The following POLA1 variants were observed in gnomAD, a reference collection of about 807,000 sequenced individuals.
POLA1 encodes DNA polymerase alpha 1, catalytic subunit, also known as DNA polymerase alpha catalytic subunit.
POLA1 carries 15 observed loss-of-function variants against 124.0 expected under a neutral mutation model. The observed-to-expected ratio is 0.12, with a 90% CI of 0.08 to 0.19. POLA1 has a LOEUF of 0.19. Among genes scored for constraint, POLA1 ranks in the 10% least tolerant of loss-of-function variants. POLA1 has a pLI of 1.00. For missense variants in POLA1, 886 were observed against 1,103.4 expected, an observed-to-expected ratio of 0.80 and a Z score of 2.79; for synonymous variants, 408 against 389.4, an observed-to-expected ratio of 1.05 and a Z score of -0.56.
intron 34 of POLA1, among the ~76,000 whole-genome samples, chrX:24,858,592 C>T (rs1343142779): frequency 8.9e-6 from 1 of 112,019 alleles, no homozygotes; most frequent in African/African-American, 3.2e-5. Context: ...TCTCAATATT[C>T]CTTGTAGGAA....
At chrX:24,941,460 G>A (rs184935196) in intron 36 of POLA1, among the ~76,000 whole-genome samples, 6 of 112,306 alleles carry the variant, frequency 5.3e-5, no homozygotes, top group East Asian at 5.6e-4. Context: ...GGAATCAACC[G>A]TAACTTTTGA....
intron 35 of POLA1, among the ~76,000 whole-genome samples, chrX:24,913,349 A>C (rs1283039660): frequency 2.7e-5 from 3 of 111,731 alleles, no homozygotes; most frequent in Non-Finnish European, 5.6e-5. Context: ...AAGGGGCAGC[A>C]TGAAGGGGTG....
intron 26 of POLA1, among the ~76,000 whole-genome samples, chrX:24,808,311 C>G (rs2045839452): frequency 9.0e-6 from 1 of 111,371 alleles, no homozygotes; most frequent in South Asian, 3.8e-4. Context: ...CCTGCCCCCT[C>G]AAATCAGGAA....
intron 29 of POLA1, 42 bp downstream of exon 29, chrX:24,812,905 A>G: frequency 1.1e-6 from 1 of 876,087 alleles, no homozygotes; most frequent in African/African-American, 2.0e-5. Context: ...TTTGTCTTTT[A>G]AAAATTCAGG....
chrX:24,852,025 G>A (rs771284878), intron 34 of POLA1, among the ~76,000 whole-genome samples: 12 of 112,543 alleles, frequency 1.1e-4, no homozygotes, highest in Non-Finnish European at 1.9e-4. Context: ...TTTGCCCAGA[G>A]AATGTACATT....
chrX:24,836,303 T>C (rs933059737), intron 32 of POLA1, among the ~76,000 whole-genome samples: 10 of 112,140 alleles, frequency 8.9e-5, no homozygotes, highest in African/African-American at 2.6e-4. Flanking sequence ...ATTTGAGGTA[T>C]TTTGAATAGT....
intron 1 of POLA1, among the ~76,000 whole-genome samples, chrX:24,698,392 C>T (rs1928171792): frequency 8.9e-6 from 1 of 111,844 alleles, no homozygotes; most frequent in Non-Finnish European, 1.9e-5. Flanking sequence ...TTAGTAATGT[C>T]CTGTGTCATA....
chrX:24,814,896 C>T, intron 29 of POLA1, 83 bp from the exon 30 acceptor site: 1 of 809,688 alleles, frequency 1.2e-6, no homozygotes, highest in South Asian at 3.5e-5. Context: ...AATGGCATTT[C>T]TCTTCCTTCT....
chrX:24,905,687 T>G (rs2047357159), intron 35 of POLA1, among the ~76,000 whole-genome samples: 1 of 107,929 alleles, frequency 9.3e-6, no homozygotes, highest in African/African-American at 3.4e-5. Context: ...CTCAGCCTCC[T>G]GAGTAGCTGG....
At chrX:24,880,991 C>T (rs551245974) in intron 34 of POLA1, among the ~76,000 whole-genome samples, 22 of 112,023 alleles carry the variant, frequency 2.0e-4, no homozygotes, top group African/African-American at 5.5e-4. Flanking sequence ...CTAAATCGTA[C>T]GTCACTGCAG....
intron 36 of POLA1, among the ~76,000 whole-genome samples, chrX:24,958,797 G>T (rs1450769936): frequency 9.0e-6 from 1 of 111,489 alleles, no homozygotes; most frequent in East Asian, 2.8e-4. Flanking sequence ...AGGGGGCAGC[G>T]TACTGAAAAC....
At chrX:24,811,550 G>A (rs928943349) in intron 28 of POLA1, among the ~76,000 whole-genome samples, 2 of 111,104 alleles carry the variant, frequency 1.8e-5, no homozygotes, top group African/African-American at 6.6e-5. Flanking sequence ...GGACTCCCAA[G>A]TGCTGGGATT....
chrX:24,880,275 A>G (rs925645557), intron 34 of POLA1, among the ~76,000 whole-genome samples: 2 of 112,099 alleles, frequency 1.8e-5, no homozygotes, highest in Admixed American at 9.5e-5. Flanking sequence ...ACTTGGATGA[A>G]ATGACATATG....
intron 20 of POLA1, 49 bp from the exon 21 acceptor site, chrX:24,741,326 T>G (rs779555530): frequency 7.4e-5 from 76 of 1,027,813 alleles, no homozygotes; most frequent in Non-Finnish European, 9.8e-5. Flanking sequence ...TTATAGGCAT[T>G]GTTTCTTTTA....
At chrX:24,789,859 G>T (rs1045512875) in intron 26 of POLA1, among the ~76,000 whole-genome samples, 1 of 110,561 alleles carries the variant, frequency 9.0e-6, no homozygotes, top group African/African-American at 3.3e-5. Context: ...CAACTTGAAA[G>T]CCGCTGAGTG....
intron 32 of POLA1, among the ~76,000 whole-genome samples, chrX:24,841,055 G>A (rs1048444992): frequency 4.5e-5 from 5 of 112,232 alleles, no homozygotes; most frequent in Non-Finnish European, 9.4e-5. Context: ...TGTAGAATCT[G>A]TAGACCCATT....
intron 36 of POLA1, among the ~76,000 whole-genome samples, chrX:24,938,428 A>C (rs780425786): frequency 5.0e-4 from 55 of 110,407 alleles, no homozygotes; most frequent in Non-Finnish European, 1.7e-4. Flanking sequence ...TAAAAAAAGA[A>C]CTGGAGTGTA....
chrX:24,918,891 G>T (rs1175753395), intron 35 of POLA1, among the ~76,000 whole-genome samples: 1 of 111,269 alleles, frequency 9.0e-6, no homozygotes, highest in Non-Finnish European at 1.9e-5. Context: ...AATTAATAGA[G>T]TAAGAACTCA....
At chrX:24,941,455 C>T (rs947649193) in intron 36 of POLA1, among the ~76,000 whole-genome samples, 2 of 112,333 alleles carry the variant, frequency 1.8e-5, no homozygotes, top group African/African-American at 6.5e-5. Flanking sequence ...CTAAGGGAAT[C>T]AACCGTAACT....
Sources: allele counts gnomAD v4.1 joint callset (sites outside exome capture counted in the v4.1 genomes callset), GRCh38; gene constraint gnomAD v4.1.1; transcripts MANE v1.5; gene names NCBI Gene and HGNC (gene_info 2026-07-23, HGNC 2026-07-21).